Variants in CHI3L1 observed in about 807,000 individuals in gnomAD.
The protein encoded by CHI3L1 is chitinase 3 like 1.
Under a neutral mutation model 40.7 loss-of-function variants are expected in CHI3L1, and 30 were observed. That is an observed-to-expected ratio of 0.74 (90% CI 0.55 to 1.00). The LOEUF (loss-of-function observed/expected upper bound fraction) is 1.00. Among genes scored for constraint, CHI3L1 ranks in the 50% least tolerant of loss-of-function variants. The pLI is 0.00. For synonymous variants in CHI3L1, 210 were observed against 192.1 expected (o/e 1.09, Z -0.77); for missense variants, 493 against 492.2 (o/e 1.00, Z -0.01).
At position 203,185,180 on chromosome 1, in the gene CHI3L1, C is replaced by T. The variant is rs764833033; in HGVS notation, c.257+4G>A. On this transcript the variant is annotated splice_donor_region_variant and intron_variant, in intron 3 of 9. Coordinates refer to ENST00000255409, the MANE Select transcript of CHI3L1 (RefSeq NM_001276.4). ...CCTCCTCTCCTGGCCAGCCCTGGCC[C>T]AACCTGTTCTTGAGTGTGTTGAGCA... 6.2e-7 allele frequency: 1 copy of T among 1,613,730 alleles called. No homozygotes were observed. The highest frequency in any genetic ancestry group is 1.7e-5 in the Admixed American group (1 of 60,022).
intron 8 of CHI3L1, chr1:203,180,114 G>A (rs1002039786): frequency 5.2e-6 from 3 of 579,392 alleles, no homozygotes; most frequent in African/African-American, 3.7e-5. Flanking sequence ...GAGATGTGAG[G>A]CCTGCTGGTT....
Position 203,184,654 on chromosome 1 carries a change from G to A in CHI3L1, c.258-22C>T, listed in dbSNP as rs375269618. 18 of 1,605,928 alleles carry A rather than the reference G, an allele frequency of 1.1e-5. No individual in the cohort carries two copies. The African/African-American group carries it at 2.3e-4, about 20-fold the overall frequency. The stretch of plus-strand genomic sequence containing the variant: ...GTTCCTGTGGAGCACAGGGAGGTGG[G>A]GAGGGCAGGAGTGGAATGACATTGT... On this transcript the variant is annotated intron_variant, in intron 3 of 9. Transcript: ENST00000255409.
chr1:203,186,212 A>G (rs1656051779), intron 2 of CHI3L1, 104 bp downstream of exon 2: 2 of 1,267,414 alleles, frequency 1.6e-6, no homozygotes, highest in South Asian at 2.6e-5. Context: ...GAAGCACAGA[A>G]GAACCTGGCA....
At chr1:203,186,471 C>G (rs1302935350) in intron 1 of CHI3L1, 126 bp from the exon 2 acceptor site, 4 of 1,506,014 alleles carry the variant, frequency 2.7e-6, no homozygotes, top group African/African-American at 1.4e-5. Flanking sequence ...AGTCCCTCCC[C>G]TGGCTCTGCT....
chr1:203,183,500 C>T, intron 5 of CHI3L1, 141 bp downstream of exon 5: 1 of 817,120 alleles, frequency 1.2e-6, no homozygotes, highest in Non-Finnish European at 2.0e-6. Flanking sequence ...ATCTTCAGGG[C>T]ACAGGGTCCC....
chr1:203,185,276 G>A lies in CHI3L1; in HGVS notation c.165C>T (p.Ile55=). The part of the protein sequence containing the change: ...ALDRFLCTHI[I]YSFANISNDH... ...CGTTGCTTATATTGGCAAAGCTGTA[G>A]ATGATGTGGGTACAGAGGAAGCGGT... is the stretch of plus-strand genomic sequence containing the variant. The change falls in exon 3 of 10, where the codon ATC becomes ATT. Residue 55 remains isoleucine (I), a synonymous_variant. Transcript: ENST00000255409. The A allele has an allele frequency of 6.2e-7, 1 of 1,614,212 alleles. No individual in the cohort carries two copies. The highest frequency in any genetic ancestry group is 8.5e-7 in the Non-Finnish European group (1 of 1,180,014).
chr1:203,180,257 G>A, intron 8 of CHI3L1: 1 of 576,510 alleles, frequency 1.7e-6, no homozygotes, highest in Non-Finnish European at 3.0e-6. Flanking sequence ...GCTATCCCAG[G>A]TGCCTAGTGG....
chr1:203,179,706 G>T, intron 9 of CHI3L1, 55 bp downstream of exon 9: 2 of 1,614,092 alleles, frequency 1.2e-6, no homozygotes, highest in Non-Finnish European at 1.7e-6. Flanking sequence ...TGGCTGCTGG[G>T]AGCGGGGCCT....
At chr1:203,184,785 T>A (rs1656020992) in intron 3 of CHI3L1, among the ~76,000 whole-genome samples, 153 bp from the exon 4 acceptor site, 1 of 152,144 alleles carries the variant, frequency 6.6e-6, no homozygotes, top group Non-Finnish European at 1.5e-5. Context: ...ATCATGGGAA[T>A]CCCATAGAGA....
rs993848223 is a variant in CHI3L1, at chr1:203,179,339, A to G, written c.*106T>C. ...CATAGGCCCCAAGGGAGGGAGACTG[A>G]GGCTCAGCCTGGGACTCAGCAGGGC... On this transcript the variant is annotated 3_prime_UTR_variant, in exon 10 of 10. Transcript: ENST00000255409. 90 of 1,030,214 alleles carry G rather than the reference A, an allele frequency of 8.7e-5. No homozygotes were observed. Among genetic ancestry groups the G allele is most frequent in the Non-Finnish European group, 1.2e-4 (81 of 699,568 alleles). The allele number at this position is 1,030,214 out of a possible 1,614,324, so 63.8% of individuals were successfully genotyped here.
intron 6 of CHI3L1, 45 bp from the exon 7 acceptor site, chr1:203,181,330 G>C (rs766329766): frequency 6.2e-7 from 1 of 1,605,942 alleles, no homozygotes. Flanking sequence ...ATTATTAATA[G>C]AAAAGCTTTA....
intron 2 of CHI3L1, among the ~76,000 whole-genome samples, chr1:203,185,903 T>C (rs1040103331): frequency 1.3e-5 from 2 of 152,198 alleles, no homozygotes; most frequent in African/African-American, 4.8e-5. Flanking sequence ...ATGGCAGTCC[T>C]GTGCTCCCTC....
At position 203,179,530 on chromosome 1, in the gene CHI3L1, A is replaced by C. The variant is rs1297760077; in HGVS notation, c.1067T>G (p.Leu356Arg). 10 of 1,596,408 alleles carry C rather than the reference A, an allele frequency of 6.3e-6. No individual in the cohort carries two copies. Among genetic ancestry groups the C allele is most frequent in the Non-Finnish European group, 8.6e-6 (10 of 1,168,664 alleles). Residue 356 changes from leucine to arginine, a missense_variant, in exon 10 of 10, where the codon CTG becomes CGG. Coordinates refer to ENST00000255409, the MANE Select transcript of CHI3L1 (RefSeq NM_001276.4). ...ACAGAAGGAGCCCTGGAAGTCATCC[A>C]GGTCCAGGGCCCATACCATGGCGCC... Reference protein sequence around the residue: ...LAGAMVWALDLDDFQGSFCGQ... With the variant: ...LAGAMVWALDRDDFQGSFCGQ...
rs759461777 is a variant in CHI3L1 at position 203,186,574 on chromosome 1, G to A, written c.25+25C>T. The A allele has an allele frequency of 9.9e-6, 16 of 1,613,828 alleles. No homozygotes were observed. In the East Asian group the frequency reaches 3.6e-4, roughly 36 times the overall value. On this transcript the variant is annotated intron_variant, in intron 1 of 9. Transcript: ENST00000255409. The stretch of plus-strand genomic sequence containing the variant: ...GGCCTGAAAACCCACAACTCTGATG[G>A]ATTAACCTTGGCTAGCCCAGATACC...
At position 203,182,844 on chromosome 1, in the gene CHI3L1, C is replaced by T. The variant is rs755400111; in HGVS notation, c.474G>A (p.Lys158=). The change falls in exon 6 of 10, where the codon AAG becomes AAA. Residue 158 remains lysine, a synonymous_variant. Coordinates refer to ENST00000255409, the MANE Select transcript of CHI3L1 (RefSeq NM_001276.4). ...GCTGGGCTTCCTTTATAAATTCGGC[C>T]TTCATTTCCTAGATGGGAGACAGGC... ...QHFTTLIKEM[K]AEFIKEAQPG... 1.2e-6 allele frequency: 2 copies of T among 1,614,098 alleles called. No homozygotes were observed. Among genetic ancestry groups the T allele is most frequent in the South Asian group, 1.1e-5 (1 of 91,074 alleles).
At position 203,185,138 on chromosome 1, in the gene CHI3L1, G is replaced by A. The variant is rs951134956; in HGVS notation, c.257+46C>T. On this transcript the variant is annotated intron_variant, in intron 3 of 9. Transcript: ENST00000255409. ...CCTGGGTGGGGTTGCCCTGCCCTGG[G>A]ACCAGCCCAGCTGGTCCCTCCTCTC... 3.8e-6 allele frequency: 6 copies of A among 1,578,470 alleles called. No homozygotes were observed. In the East Asian group the frequency reaches 6.7e-5, roughly 18 times the overall value.
intron 4 of CHI3L1, 100 bp from the exon 5 acceptor site, chr1:203,183,891 G>A (rs1338811245): frequency 1.5e-6 from 2 of 1,342,066 alleles, no homozygotes; most frequent in Admixed American, 1.7e-5. Context: ...GGGATCCTGA[G>A]GCCACACAGC....
At chr1:203,181,102 C>T in intron 7 of CHI3L1, 60 bp downstream of exon 7, 2 of 1,595,888 alleles carry the variant, frequency 1.3e-6, no homozygotes, top group East Asian at 2.2e-5. Flanking sequence ...GGTGTGTGAG[C>T]ACTGGCAGAT....
At chr1:203,181,698 A>C in intron 6 of CHI3L1, 1 of 177,182 alleles carries the variant, frequency 5.6e-6, no homozygotes, top group Non-Finnish European at 1.2e-5. Flanking sequence ...ACAGGCCACT[A>C]GCCCGAACCC....
Sources: allele counts gnomAD v4.1 joint callset (sites outside exome capture counted in the v4.1 genomes callset), GRCh38; gene constraint gnomAD v4.1.1; transcripts MANE v1.5; gene names NCBI Gene and HGNC (gene_info 2026-07-23, HGNC 2026-07-21).